Variants in ZFHX4 observed in about 807,000 individuals in gnomAD.
The protein encoded by ZFHX4 is zinc finger homeobox 4, also known as zinc finger homeobox protein 4.
In ZFHX4, 56 loss-of-function variants were observed where a neutral mutation model predicts 267.6. That is an observed-to-expected ratio of 0.21 (90% CI 0.17 to 0.26). ZFHX4 has a LOEUF of 0.26. Ranked by LOEUF, ZFHX4 falls within the 10% of genes least tolerant of loss-of-function variation. The probability of loss-of-function intolerance (pLI) is 1.00; values close to 1 mark genes in which losing one functional copy is unlikely to be tolerated. For missense variants in ZFHX4, 4,332 were observed against 4,420.0 expected (o/e 0.98, Z 0.56); for synonymous variants, 1,778 against 1,665.6 (o/e 1.07, Z -1.64).
In ZFHX4 at chr8:76,705,893, G is replaced by C; in HGVS notation, c.1805G>C (p.Gly602Ala). The change falls in exon 2 of 11, where the codon GGG (glycine) becomes GCG (alanine). Residue 602 changes from glycine to alanine, a missense_variant. Coordinates refer to ENST00000651372, the MANE Select transcript of ZFHX4 (RefSeq NM_024721.5). ...GFTPSTPGTP[G>A]PGGDGSPGSG... is the part of the protein sequence containing the mutation. Reference sequence around the variant, plus strand: ...ACCCCGAGTACTCCTGGCACACCAGGGCCTGGAGGAGACGGCTCACCGGGC... The same window carrying C: ...ACCCCGAGTACTCCTGGCACACCAGCGCCTGGAGGAGACGGCTCACCGGGC... 5 of 1,613,626 alleles carry C rather than the reference G, an allele frequency of 3.1e-6. No homozygotes were observed. Among genetic ancestry groups the C allele is most frequent in the Non-Finnish European group, 4.2e-6 (5 of 1,179,834 alleles).
At position 76,856,251 on chromosome 8, in the gene ZFHX4, C is replaced by G. The variant is rs771817655; in HGVS notation, c.9330C>G (p.Pro3110=). ...CCGGCCTTCCTCCAGTCCTTCTCCC[C>G]GGAATGAACGGTCCATCCTCCTTGC... ...GLPGLPPVLL[P]GMNGPSSLPG... is the part of the protein sequence containing the mutation. The change falls in exon 10 of 11, where the codon CCC becomes CCG. Residue 3110 remains proline (P), a synonymous_variant. Coordinates refer to ENST00000651372, the MANE Select transcript of ZFHX4 (RefSeq NM_024721.5). The G allele has an allele frequency of 1.2e-6, 2 of 1,613,900 alleles. No individual in the cohort carries two copies. Among genetic ancestry groups the G allele is most frequent in the Non-Finnish European group, 1.7e-6 (2 of 1,179,860 alleles).
At chr8:76,727,512 G>C (rs1161855132) in intron 3 of ZFHX4, among the ~76,000 whole-genome samples, 2 of 152,116 alleles carry the variant, frequency 1.3e-5, no homozygotes. Flanking sequence ...CTGTCCTGGA[G>C]TGTGGTATCA....
intron 3 of ZFHX4, among the ~76,000 whole-genome samples, chr8:76,769,083 G>A (rs1462473606): frequency 6.6e-6 from 1 of 151,994 alleles, no homozygotes; most frequent in Non-Finnish European, 1.5e-5. Context: ...GGGAAACAGA[G>A]TAAGACCCTG....
At chr8:76,777,134 C>T (rs1810419418) in intron 3 of ZFHX4, among the ~76,000 whole-genome samples, 1 of 152,104 alleles carries the variant, frequency 6.6e-6, no homozygotes, top group South Asian at 2.1e-4. Context: ...TATTGAATCA[C>T]AGTTATTAAT....
intron 3 of ZFHX4, among the ~76,000 whole-genome samples, chr8:76,739,675 A>G (rs1343650365): frequency 6.6e-6 from 1 of 152,142 alleles, no homozygotes; most frequent in East Asian, 1.9e-4. Flanking sequence ...GGTATAATGA[A>G]AGCATGAATA....
Position 76,705,564 on chromosome 8 carries a change from C to A in ZFHX4, c.1476C>A (p.Thr492=). ...ACGAGGAAGTATTAGGTGAACTCAC[C>A]GATAGTATTGGTAACAAAGATTTCC... ...LDDEEVLGEL[T]DSIGNKDFPL... Residue 492 remains threonine, a synonymous_variant, in exon 2 of 11, where the codon ACC becomes ACA. Coordinates refer to ENST00000651372, the MANE Select transcript of ZFHX4 (RefSeq NM_024721.5). 6.2e-7 allele frequency: 1 copy of A among 1,613,498 alleles called. No individual in the cohort carries two copies. The highest frequency in any genetic ancestry group is 8.5e-7 in the Non-Finnish European group (1 of 1,179,668).
At chr8:76,770,373 A>C (rs1426042723) in intron 3 of ZFHX4, among the ~76,000 whole-genome samples, 1 of 152,116 alleles carries the variant, frequency 6.6e-6, no homozygotes, top group African/African-American at 2.4e-5. Flanking sequence ...CACTATATTC[A>C]ATCAATTAGG....
rs778896501 is a variant in ZFHX4 at position 76,863,107 on chromosome 8, C to A, written c.9393C>A (p.Pro3131=). 23 of 1,517,478 alleles carry A rather than the reference C, an allele frequency of 1.5e-5. No individual in the cohort carries two copies. The South Asian group carries it at 2.7e-4, about 18-fold the overall frequency. 94.0% of individuals were successfully genotyped at this position (1,517,478 alleles called of 1,614,324 possible). Residue 3131 remains proline (P), a synonymous_variant, in exon 11 of 11, where the codon CCC becomes CCA. Transcript: ENST00000651372. ...TGTTGTTTTCAGCTTTAACACCTCC[C>A]GGTGCAGGCATGCTTGGGTTTCCTA... ...FPQNSNTLTP[P]GAGMLGFPTS...
chr8:76,763,165 A>C (rs1361442758), intron 3 of ZFHX4, among the ~76,000 whole-genome samples: 1 of 152,164 alleles, frequency 6.6e-6, no homozygotes, highest in Non-Finnish European at 1.5e-5. Flanking sequence ...CAGCTTTGCT[A>C]CTTTTAATAT....
intron 4 of ZFHX4, among the ~76,000 whole-genome samples, chr8:76,811,117 ACGG>A (rs998208230): frequency 6.6e-6 from 1 of 152,050 alleles, no homozygotes; most frequent in African/African-American, 2.4e-5. Context: ...CCCTCATCTC[ACGG>A]CTAAGGACTT....
intron 4 of ZFHX4, among the ~76,000 whole-genome samples, chr8:76,808,916 C>G (rs370197820): frequency 0.021 from 3,066 of 146,550 alleles, 86 homozygotes; most frequent in African/African-American, 0.073. Context: ...CTCTGTCTCT[C>G]TCTCTCTCTC....
chr8:76,789,475 G>C (rs1810778667), intron 4 of ZFHX4, among the ~76,000 whole-genome samples: 2 of 152,136 alleles, frequency 1.3e-5, no homozygotes, highest in Non-Finnish European at 2.9e-5. Context: ...ATAAAGATAA[G>C]TAAATGACTG....
At chr8:76,754,214 G>T (rs1232783548) in intron 3 of ZFHX4, among the ~76,000 whole-genome samples, 1 of 152,130 alleles carries the variant, frequency 6.6e-6, no homozygotes, top group East Asian at 1.9e-4. Context: ...TAGGCCAGGT[G>T]CAGTGGCTCA....
At chr8:76,780,005 T>A (rs1810506733) in intron 4 of ZFHX4, among the ~76,000 whole-genome samples, 2 of 150,698 alleles carry the variant, frequency 1.3e-5, no homozygotes, top group African/African-American at 4.9e-5. Flanking sequence ...GTTAGAACCA[T>A]AAGCAAAAAG....
intron 1 of ZFHX4, among the ~76,000 whole-genome samples, chr8:76,696,925 A>C (rs1683914347): frequency 6.6e-6 from 1 of 152,018 alleles, no homozygotes; most frequent in Non-Finnish European, 1.5e-5. Context: ...TTATGCATAT[A>C]ACTTTCTTGA....
intron 8 of ZFHX4, 22 bp downstream of exon 8, chr8:76,849,734 G>A: frequency 1.3e-6 from 2 of 1,590,796 alleles, no homozygotes; most frequent in Non-Finnish European, 8.6e-7. Context: ...AAATATTGAT[G>A]CATGTGTGAC....
At chr8:76,845,457 A>T (rs1812340520) in intron 6 of ZFHX4, among the ~76,000 whole-genome samples, 1 of 152,044 alleles carries the variant, frequency 6.6e-6, no homozygotes. Flanking sequence ...AACCTTCATT[A>T]TTGCAATTAA....
intron 1 of ZFHX4, among the ~76,000 whole-genome samples, chr8:76,689,117 A>C (rs564392130): frequency 7.7e-4 from 117 of 152,272 alleles, no homozygotes; most frequent in African/African-American, 2.7e-3. Context: ...TTTATGGTTA[A>C]CTTTATGATA....
chr8:76,801,116 CTTAA>C (rs1386458318), intron 4 of ZFHX4, among the ~76,000 whole-genome samples: 1 of 151,928 alleles, frequency 6.6e-6, no homozygotes, highest in Non-Finnish European at 1.5e-5. Context: ...GAATTTTTGA[CTTAA>C]TTGACTGGAG....
Sources: allele counts gnomAD v4.1 joint callset (sites outside exome capture counted in the v4.1 genomes callset), GRCh38; gene constraint gnomAD v4.1.1; transcripts MANE v1.5; gene names NCBI Gene and HGNC (gene_info 2026-07-23, HGNC 2026-07-21).